PDE4D: variants seen among roughly 807,000 people sequenced by gnomAD.
The protein encoded by PDE4D is phosphodiesterase 4D.
PDE4D carries 24 observed loss-of-function variants against 87.4 expected under a neutral mutation model. The ratio of observed to expected loss-of-function variants is 0.27; its 90% CI spans 0.20 to 0.39. The LOEUF is 0.39. PDE4D is among the 10% of genes least tolerant of loss of function. The probability of loss-of-function intolerance (pLI) is 1.00; values close to 1 mark genes in which losing one functional copy is unlikely to be tolerated. For synonymous variants in PDE4D, 384 were observed against 383.2 expected (o/e 1.00, Z -0.02); for missense variants, 714 against 1,041.0 (o/e 0.69, Z 4.32).
At chr5:59,766,946 T>C (rs1762870333) in intron 1 of PDE4D, among the ~76,000 whole-genome samples, 1 of 152,172 alleles carries the variant, frequency 6.6e-6, no homozygotes, top group Non-Finnish European at 1.5e-5. Flanking sequence ...CTGGGGACAA[T>C]AACACTTTCC....
chr5:59,412,162 T>C (rs1464352108), intron 1 of PDE4D, among the ~76,000 whole-genome samples: 2 of 152,246 alleles, frequency 1.3e-5, no homozygotes, highest in Admixed American at 1.3e-4. Context: ...ATGGTGGTTA[T>C]TCTGAAAAGA....
intron 1 of PDE4D, among the ~76,000 whole-genome samples, chr5:59,223,852 G>T (rs1002791599): frequency 6.6e-6 from 1 of 151,916 alleles, no homozygotes; most frequent in Non-Finnish European, 1.5e-5. Flanking sequence ...CCCGGAGAAG[G>T]CATGATATTT....
chr5:60,052,104 C>G (rs1389604364), intron 2 of PDE4D, among the ~76,000 whole-genome samples: 2 of 152,148 alleles, frequency 1.3e-5, no homozygotes, highest in African/African-American at 2.4e-5. Flanking sequence ...TGAATTCTAC[C>G]AGAGGTACAA....
At chr5:60,124,833 C>T (rs1223527983) in intron 2 of PDE4D, among the ~76,000 whole-genome samples, 1 of 152,138 alleles carries the variant, frequency 6.6e-6, no homozygotes, top group Non-Finnish European at 1.5e-5. Context: ...AACAGCTCTT[C>T]TCAAGATCAT....
At chr5:59,020,584 C>A (rs763263847) in intron 6 of PDE4D, among the ~76,000 whole-genome samples, 9 of 151,964 alleles carry the variant, frequency 5.9e-5, no homozygotes, top group Non-Finnish European at 1.3e-4. Flanking sequence ...GACAAAATAA[C>A]TTTTCTGTGC....
chr5:59,168,543 G>A (rs1233838640), intron 5 of PDE4D, among the ~76,000 whole-genome samples: 2 of 152,140 alleles, frequency 1.3e-5, no homozygotes, highest in African/African-American at 4.8e-5. Flanking sequence ...ACTATAGAGA[G>A]TTTTTAGGGT....
intron 1 of PDE4D, among the ~76,000 whole-genome samples, chr5:60,210,584 C>G (rs111887231): frequency 0.015 from 2,236 of 151,994 alleles, 19 homozygotes; most frequent in African/African-American, 0.032. Flanking sequence ...AAAAAGGAAA[C>G]AAAAATATCT....
chr5:59,098,920 T>C (rs1162436763), intron 5 of PDE4D, among the ~76,000 whole-genome samples: 1 of 151,984 alleles, frequency 6.6e-6, no homozygotes, highest in Non-Finnish European at 1.5e-5. Flanking sequence ...AAATCACTAC[T>C]ACACAAACGG....
At chr5:60,265,372 G>A (rs1451167110) in intron 1 of PDE4D, among the ~76,000 whole-genome samples, 1 of 152,196 alleles carries the variant, frequency 6.6e-6, no homozygotes, top group Admixed American at 6.5e-5. Context: ...CACAGGCTGT[G>A]AGGGAACCAA....
intron 1 of PDE4D, among the ~76,000 whole-genome samples, chr5:59,362,343 A>T (rs1384610601): frequency 1.3e-5 from 2 of 152,228 alleles, no homozygotes; most frequent in Admixed American, 6.5e-5. Context: ...AAAGAATATC[A>T]GTCCTCAGTT....
At chr5:59,978,207 A>G (rs1761536684) in intron 3 of PDE4D, among the ~76,000 whole-genome samples, 1 of 152,202 alleles carries the variant, frequency 6.6e-6, no homozygotes, top group Non-Finnish European at 1.5e-5. Context: ...GGCTATCGCT[A>G]TGATAGACAC....
chr5:60,467,614 G>T (rs1165062069), intron 1 of PDE4D, among the ~76,000 whole-genome samples: 3 of 152,082 alleles, frequency 2.0e-5, no homozygotes, highest in Non-Finnish European at 4.4e-5. Flanking sequence ...TAATTCTGGG[G>T]TGTCACATTT....
rs184072203 is a variant in PDE4D at position 60,044,101 on chromosome 5, T to A, written c.43-55384A>T. ...AATATGACTAGGTGTGGACTTTTTT[T>A]TTATACTCAACAATAATTTATTGTA... On this transcript the variant is annotated intron_variant, in intron 2 of 16. Coordinates refer to the PDE4D transcript ENST00000502484. Among the ~76,000 whole-genome samples the A allele has an allele frequency of 2.6e-3, 397 of 152,202 alleles. 2 individuals are homozygous for A. Among genetic ancestry groups the A allele is most frequent in the African/African-American group, 9.2e-3 (382 of 41,566 alleles).
At chr5:60,169,574 T>A (rs1783232263) in intron 2 of PDE4D, among the ~76,000 whole-genome samples, 1 of 152,060 alleles carries the variant, frequency 6.6e-6, no homozygotes, top group African/African-American at 2.4e-5. Context: ...AGAGAAAAGC[T>A]GAATAAAGGC....
intron 1 of PDE4D, among the ~76,000 whole-genome samples, chr5:59,650,158 C>T (rs138703114): frequency 6.4e-4 from 98 of 151,988 alleles, no homozygotes; most frequent in African/African-American, 2.2e-3. Context: ...CTTTCCCTCT[C>T]ACTTTTTAAA....
At chr5:60,107,702 A>G (rs950071004) in intron 2 of PDE4D, among the ~76,000 whole-genome samples, 3 of 152,242 alleles carry the variant, frequency 2.0e-5, no homozygotes, top group Non-Finnish European at 2.9e-5. Context: ...GGCTGGTTCA[A>G]TATACACAAA....
intron 5 of PDE4D, among the ~76,000 whole-genome samples, chr5:59,085,084 C>G (rs1324939662): frequency 6.6e-6 from 1 of 152,048 alleles, no homozygotes; most frequent in Non-Finnish European, 1.5e-5. Context: ...GAAAACAACC[C>G]AGCCTTGCTA....
chr5:59,739,453 A>G (rs1758545989), intron 1 of PDE4D, among the ~76,000 whole-genome samples: 1 of 152,138 alleles, frequency 6.6e-6, no homozygotes, highest in African/African-American at 2.4e-5. Flanking sequence ...AACAACAAAG[A>G]CAGGAAATGT....
chr5:60,315,446 C>G (rs1755477017), intron 1 of PDE4D, among the ~76,000 whole-genome samples: 1 of 152,076 alleles, frequency 6.6e-6, no homozygotes. Context: ...TGCCTGTTGA[C>G]TCTGATGGTA....
Sources: gnomAD v4.1 joint callset for allele counts (sites outside exome capture counted in the v4.1 genomes callset) on GRCh38, gnomAD v4.1.1 for gene constraint, MANE v1.5 for transcripts, NCBI Gene and HGNC (gene_info 2026-07-23, HGNC 2026-07-21) for gene names.